Variants in MOB3B observed in about 807,000 individuals in gnomAD.
MOB3B encodes MOB kinase activator 3B, also known as MOB kinase activator-like 2B.
MOB3B carries 7 observed loss-of-function variants against 18.7 expected under a neutral mutation model. The observed-to-expected ratio is 0.37, with a 90% CI of 0.21 to 0.70. The LOEUF (loss-of-function observed/expected upper bound fraction) is 0.70. MOB3B is among the 30% of genes least tolerant of loss of function. MOB3B has a pLI of 0.52. For missense variants in MOB3B, 253 were observed against 281.3 expected (o/e 0.90, Z 0.72); for synonymous variants, 111 against 99.9 (o/e 1.11, Z -0.66).
intron 3 of MOB3B, among the ~76,000 whole-genome samples, chr9:27,345,317 C>G (rs1346785689): frequency 6.6e-6 from 1 of 152,074 alleles, no homozygotes; most frequent in South Asian, 2.1e-4. Context: ...CCTGTATGAA[C>G]CATGACTGCA....
chr9:27,519,642 C>G (rs780899887), intron 1 of MOB3B, among the ~76,000 whole-genome samples: 1 of 152,156 alleles, frequency 6.6e-6, no homozygotes, highest in Non-Finnish European at 1.5e-5. Context: ...ACTGTAGTTG[C>G]CGCAGGGGAG....
At chr9:27,342,702 G>T (rs540774959) in intron 3 of MOB3B, among the ~76,000 whole-genome samples, 16 of 152,152 alleles carry the variant, frequency 1.1e-4, no homozygotes, top group African/African-American at 3.6e-4. Context: ...TCCTGACCAC[G>T]AGTGATCTGC....
At chr9:27,527,441 C>T (rs530876529) in intron 1 of MOB3B, among the ~76,000 whole-genome samples, 2 of 152,264 alleles carry the variant, frequency 1.3e-5, no homozygotes, top group Non-Finnish European at 1.5e-5. Context: ...AGAAAGTGCT[C>T]TATGTGTCGC....
chr9:27,441,543 G>A (rs2131433720), intron 2 of MOB3B, among the ~76,000 whole-genome samples: 1 of 152,292 alleles, frequency 6.6e-6, no homozygotes, highest in South Asian at 2.1e-4. Context: ...AGTCTACAGT[G>A]TGGGTATGCT....
At chr9:27,417,597 CAGCTTCTGCTGA>C in intron 2 of MOB3B, among the ~76,000 whole-genome samples, 1 of 152,278 alleles carries the variant, frequency 6.6e-6, no homozygotes, top group East Asian at 1.9e-4. Flanking sequence ...CTAAGCCTCT[CAGCTTCTGCTGA>C]GAATCCCCAA....
chr9:27,373,174 T>G (rs1217655336), intron 2 of MOB3B, among the ~76,000 whole-genome samples: 4 of 152,184 alleles, frequency 2.6e-5, no homozygotes, highest in Non-Finnish European at 5.9e-5. Flanking sequence ...GCCCCTTGTT[T>G]AGAAATTATT....
At chr9:27,498,493 A>T (rs150720533) in intron 1 of MOB3B, among the ~76,000 whole-genome samples, 1 of 152,206 alleles carries the variant, frequency 6.6e-6, no homozygotes, top group Non-Finnish European at 1.5e-5. Context: ...GACAAACTTA[A>T]AAGAAAGTAG....
intron 1 of MOB3B, among the ~76,000 whole-genome samples, chr9:27,461,977 A>C (rs916570751): frequency 2.0e-5 from 3 of 152,226 alleles, no homozygotes; most frequent in Non-Finnish European, 4.4e-5. Context: ...AGAGTTTTAA[A>C]AAATGTTTTC....
chr9:27,416,942 G>T (rs570158818), intron 2 of MOB3B, among the ~76,000 whole-genome samples: 5 of 152,198 alleles, frequency 3.3e-5, no homozygotes, highest in Admixed American at 2.6e-4. Flanking sequence ...ACCTGTTACC[G>T]TTAGTTACAT....
intron 1 of MOB3B, among the ~76,000 whole-genome samples, chr9:27,473,538 G>A (rs993835660): frequency 2.6e-5 from 4 of 152,112 alleles, no homozygotes; most frequent in African/African-American, 7.2e-5. Flanking sequence ...ACATCAAGGA[G>A]GGCCATGGGC....
At chr9:27,460,816 G>A (rs147049050) in intron 1 of MOB3B, among the ~76,000 whole-genome samples, 41 of 152,330 alleles carry the variant, frequency 2.7e-4, no homozygotes, top group African/African-American at 8.4e-4. Context: ...GCCAGGCACA[G>A]AGCTGACTTA....
At chr9:27,451,626 A>T (rs1822786415) in intron 2 of MOB3B, among the ~76,000 whole-genome samples, 1 of 152,180 alleles carries the variant, frequency 6.6e-6, no homozygotes, top group Admixed American at 6.5e-5. Context: ...CTTGGATCAC[A>T]GTGGGGAGGA....
At chr9:27,437,045 AGCCTAGGGTG>A (rs1822515044) in intron 2 of MOB3B, among the ~76,000 whole-genome samples, 1 of 152,024 alleles carries the variant, frequency 6.6e-6, no homozygotes, top group Non-Finnish European at 1.5e-5. Context: ...AGCATAAAAA[AGCCTAGGGTG>A]GCTGAAGTCC....
chr9:27,523,522 A>C (rs554973934), intron 1 of MOB3B, among the ~76,000 whole-genome samples: 1 of 152,280 alleles, frequency 6.6e-6, no homozygotes, highest in East Asian at 1.9e-4. Context: ...GAAGTTAATG[A>C]GGCAGAAAGA....
chr9:27,328,131 G>A lies in MOB3B; in HGVS notation c.*2456C>T, dbSNP rs1820737874. ...CAACTGATGCACTAAAGGACATAAGGGTACTCACTATAATCTTTCAACTTT... is the reference window on the plus strand; with the variant it reads ...CAACTGATGCACTAAAGGACATAAGAGTACTCACTATAATCTTTCAACTTT... On this transcript the variant is annotated 3_prime_UTR_variant, in exon 4 of 4. Coordinates refer to ENST00000262244, the MANE Select transcript of MOB3B (RefSeq NM_024761.5). 1 of 151,684 alleles carries A rather than the reference G, an allele frequency of 6.6e-6. No homozygotes were observed. The highest frequency in any genetic ancestry group is 1.5e-5 in the Non-Finnish European group (1 of 67,958). The allele number at this position is 151,684 out of a possible 1,614,324, so 9.4% of individuals were successfully genotyped here.
At chr9:27,498,931 T>C (rs1165003072) in intron 1 of MOB3B, among the ~76,000 whole-genome samples, 1 of 152,258 alleles carries the variant, frequency 6.6e-6, no homozygotes, top group Non-Finnish European at 1.5e-5. Flanking sequence ...AAAATAGGCC[T>C]GTGGACCTCT....
intron 2 of MOB3B, among the ~76,000 whole-genome samples, chr9:27,445,293 G>A (rs914368104): frequency 4.6e-5 from 7 of 151,804 alleles, no homozygotes; most frequent in East Asian, 1.9e-4. Context: ...TTTTTCCCAC[G>A]TCACCTTCTA....
chr9:27,385,113 C>G (rs1821632048), intron 2 of MOB3B, among the ~76,000 whole-genome samples: 1 of 152,094 alleles, frequency 6.6e-6, no homozygotes, highest in East Asian at 1.9e-4. Flanking sequence ...AGCAGGAAGG[C>G]AAGGGGATGA....
intron 1 of MOB3B, among the ~76,000 whole-genome samples, chr9:27,523,681 G>T (rs982011560): frequency 6.6e-6 from 1 of 152,166 alleles, no homozygotes; most frequent in African/African-American, 2.4e-5. Context: ...AGCCAACTTA[G>T]TCTCCTACTT....
Sources: gnomAD v4.1 joint callset for allele counts (sites outside exome capture counted in the v4.1 genomes callset) on GRCh38, gnomAD v4.1.1 for gene constraint, MANE v1.5 for transcripts, NCBI Gene and HGNC (gene_info 2026-07-23, HGNC 2026-07-21) for gene names.